ZNF469: variants seen among roughly 807,000 people sequenced by gnomAD.
The protein encoded by ZNF469 is zinc finger protein 469.
A neutral mutation model predicts 1.0 loss-of-function variants in ZNF469; 1 was observed. The observed-to-expected ratio is 1.00, with a 90% CI of 0.35 to 4.73. The LOEUF (loss-of-function observed/expected upper bound fraction) is 4.73, where lower values mean the gene tolerates loss of function less well. Ranked by LOEUF, ZNF469 falls within the 30% of genes most tolerant of loss-of-function variation. ZNF469 has a pLI of 0.16. For missense variants in ZNF469, 6,100 were observed against 5,356.3 expected (o/e 1.14, Z -4.33); for synonymous variants, 2,703 against 2,363.4 (o/e 1.14, Z -4.17).
In ZNF469 at chr16:88,404,159, G is replaced by A. The variant is rs182216469; in HGVS notation, c.-191-20648G>A. On this transcript the variant is annotated intron_variant, in intron 1 of 2. Coordinates refer to ENST00000565624, the MANE Select transcript of ZNF469 (RefSeq NM_001367624.2). ...CTTTTTAAACATATACAAGAGCAGCGAGAGACATGTCACAGCCCCACACCC... is the reference window on the plus strand; with the variant it reads ...CTTTTTAAACATATACAAGAGCAGCAAGAGACATGTCACAGCCCCACACCC... 1.2e-4 allele frequency among the ~76,000 whole-genome samples: 18 copies of A among 145,382 alleles called. No individual in the cohort carries two copies. In the East Asian group the frequency reaches 2.5e-3, roughly 20 times the overall value.
At chr16:88,398,616 T>TGGATGAAGGGACATATGAGCCAC (rs1338387787) in intron 1 of ZNF469, among the ~76,000 whole-genome samples, 9 of 122,684 alleles carry the variant, frequency 7.3e-5, no homozygotes, top group Non-Finnish European at 1.5e-4. Context: ...ATGTGAGCCA[T>TGGATGAAGGGACATATGAGCCAC]GGATGAAGGG....
the ZNF469 span, among the ~76,000 whole-genome samples, chr16:88,255,557 C>T: frequency 6.6e-6 from 1 of 152,220 alleles, no homozygotes; most frequent in African/African-American, 2.4e-5. Context: ...ACATCCCTCA[C>T]TAGAGTGGTA....
the ZNF469 span, among the ~76,000 whole-genome samples, chr16:88,287,089 C>A: frequency 0.12 from 17,935 of 152,254 alleles, 3,456 homozygotes; most frequent in African/African-American, 0.41. Flanking sequence ...TAAAGCTTTT[C>A]TGAACATGGT....
In ZNF469 at chr16:88,427,508, C is replaced by T. The variant is rs1162425645; in HGVS notation, c.38C>T (p.Thr13Ile). The T allele has an allele frequency of 6.5e-7, 1 of 1,531,826 alleles. No homozygotes were observed. Among genetic ancestry groups the T allele is most frequent in the South Asian group, 1.2e-5 (1 of 83,652 alleles). 94.9% of individuals were successfully genotyped at this position (1,531,826 alleles called of 1,614,324 possible). The change falls in exon 3 of 3, where the codon ACC becomes ATC. Residue 13 changes from threonine to isoleucine, a missense_variant. Coordinates refer to ENST00000565624, the MANE Select transcript of ZNF469 (RefSeq NM_001367624.2). Reference protein sequence around the residue: ...GERPRGAPPPTMTGDLQPRQV... With the variant: ...GERPRGAPPPIMTGDLQPRQV... ...CGCCCCCGAGGAGCGCCGCCCCCCA[C>T]CATGACTGGAGACCTGCAGCCCCGC...
the ZNF469 span, among the ~76,000 whole-genome samples, chr16:88,363,776 T>C: frequency 6.6e-6 from 1 of 152,226 alleles, no homozygotes; most frequent in African/African-American, 2.4e-5. Context: ...TTTTTCCATG[T>C]GCAGATGCCC....
the ZNF469 span, among the ~76,000 whole-genome samples, chr16:88,309,501 G>C: frequency 4.7e-3 from 628 of 134,496 alleles, 8 homozygotes; most frequent in African/African-American, 0.014. Context: ...ACACCTGACG[G>C]GGGGAGTGCC....
chr16:88,153,637 C>T, the ZNF469 span, among the ~76,000 whole-genome samples: 2 of 152,200 alleles, frequency 1.3e-5, no homozygotes, highest in South Asian at 2.1e-4. Context: ...CTTGTGTTAG[C>T]CCAGGCCGCC....
At chr16:88,219,146 A>G in the ZNF469 span, among the ~76,000 whole-genome samples, 2 of 148,326 alleles carry the variant, frequency 1.3e-5, no homozygotes, top group African/African-American at 5.0e-5. Flanking sequence ...AGAACATTCC[A>G]TGCTCATGGG....
At chr16:88,197,881 G>A in the ZNF469 span, among the ~76,000 whole-genome samples, 1 of 152,256 alleles carries the variant, frequency 6.6e-6, no homozygotes, top group East Asian at 1.9e-4. Flanking sequence ...AGGGACCAGT[G>A]ATCCCAGCAG....
the ZNF469 span, among the ~76,000 whole-genome samples, chr16:88,321,531 G>A: frequency 9.9e-5 from 15 of 151,816 alleles, no homozygotes; most frequent in East Asian, 1.9e-4. Flanking sequence ...TGCAGCCCTC[G>A]AATTCTGCAT....
At chr16:88,226,558 C>T in the ZNF469 span, among the ~76,000 whole-genome samples, 1 of 152,152 alleles carries the variant, frequency 6.6e-6, no homozygotes, top group Non-Finnish European at 1.5e-5. Context: ...TGAAGCTTTG[C>T]AGCACCCTAG....
At chr16:88,351,952 G>A in the ZNF469 span, among the ~76,000 whole-genome samples, 1 of 152,344 alleles carries the variant, frequency 6.6e-6, no homozygotes, top group East Asian at 1.9e-4. Context: ...CGTGAGGAAG[G>A]GAGGCCCCTC....
the ZNF469 span, among the ~76,000 whole-genome samples, chr16:88,224,000 T>C: frequency 6.6e-6 from 1 of 152,214 alleles, no homozygotes; most frequent in Non-Finnish European, 1.5e-5. Flanking sequence ...ATTCGCCCAG[T>C]CATTTCTAAT....
chr16:88,437,353 G>T lies in ZNF469; in HGVS notation c.9883G>T (p.Ala3295Ser). ...GACCCCAGACAGCGCCTCTGCCACCGCCCTGGCTGACGCCGGCAGCCCGGG... is the reference window on the plus strand; with the variant it reads ...GACCCCAGACAGCGCCTCTGCCACCTCCCTGGCTGACGCCGGCAGCCCGGG... Reference protein sequence around the residue: ...AATPDSASATALADAGSPGPP... With the variant: ...AATPDSASATSLADAGSPGPP... Residue 3295 changes from alanine to serine, a missense_variant, in exon 3 of 3, where the codon GCC (alanine) becomes TCC (serine). By Grantham distance (99) the Ala-to-Ser change is moderately conservative (BLOSUM62 1). Coordinates refer to ENST00000565624, the MANE Select transcript of ZNF469 (RefSeq NM_001367624.2). 1.3e-6 allele frequency: 2 copies of T among 1,543,068 alleles called. No individual in the cohort carries two copies. The highest frequency in any genetic ancestry group is 3.9e-4 in the Middle Eastern group (2 of 5,092).
chr16:88,363,385 C>A, the ZNF469 span, among the ~76,000 whole-genome samples: 1 of 152,208 alleles, frequency 6.6e-6, no homozygotes, highest in Non-Finnish European at 1.5e-5. Flanking sequence ...AGACAGCAAG[C>A]ATTTAAGTTG....
chr16:88,277,683 C>CATT, the ZNF469 span, among the ~76,000 whole-genome samples: 3 of 122,924 alleles, frequency 2.4e-5, no homozygotes, highest in Non-Finnish European at 3.5e-5. Flanking sequence ...ATGTAGATAT[C>CATT]AGTGCACGGT....
the ZNF469 span, among the ~76,000 whole-genome samples, chr16:88,291,185 T>C: frequency 4.9e-4 from 75 of 152,276 alleles, no homozygotes; most frequent in Middle Eastern, 6.8e-3. Flanking sequence ...CAGACCCACC[T>C]GGACCCTGAG....
the ZNF469 span, chr16:88,192,028 G>A: frequency 6.6e-6 from 1 of 152,242 alleles, no homozygotes; most frequent in Non-Finnish European, 1.5e-5. Context: ...TGGGACTGGT[G>A]TCCTTACAAG....
the ZNF469 span, among the ~76,000 whole-genome samples, chr16:88,367,699 G>C: frequency 2.0e-5 from 3 of 152,304 alleles, no homozygotes; most frequent in East Asian, 1.9e-4. Context: ...ACCAGGCCCC[G>C]CATCCTTGGG....
Sources: allele counts gnomAD v4.1 joint callset (sites outside exome capture counted in the v4.1 genomes callset), GRCh38; gene constraint gnomAD v4.1.1; transcripts MANE v1.5; gene names NCBI Gene and HGNC (gene_info 2026-07-23, HGNC 2026-07-21).